Variants in SLC41A1 observed in about 807,000 individuals in gnomAD.
The protein encoded by SLC41A1 is solute carrier family 41 (magnesium transporter), member 1.
SLC41A1 carries 20 observed loss-of-function variants against 47.3 expected under a neutral mutation model. That is an observed-to-expected ratio of 0.42 (90% CI 0.30 to 0.61). The LOEUF is 0.61. SLC41A1 is among the 20% of genes least tolerant of loss of function. SLC41A1 has a pLI of 0.17. For missense variants in SLC41A1, 504 were observed against 674.1 expected, an observed-to-expected ratio of 0.75 and a Z score of 2.79; for synonymous variants, 282 against 272.7, an observed-to-expected ratio of 1.03 and a Z score of -0.34.
At chr1:205,812,414 C>G (rs933638448) in intron 1 of SLC41A1, among the ~76,000 whole-genome samples, 1 of 152,210 alleles carries the variant, frequency 6.6e-6, no homozygotes, top group African/African-American at 2.4e-5. Flanking sequence ...GAGGAAACCT[C>G]TGAGTCCAGT....
rs1250867705 is a variant in SLC41A1 at position 205,798,795 on chromosome 1, T to C, written c.718A>G (p.Ile240Val). 3.1e-6 allele frequency: 5 copies of C among 1,613,978 alleles called. No homozygotes were observed. The South Asian group carries it at 3.3e-5, about 11-fold the overall frequency. Residue 240 changes from isoleucine (I) to valine (V), a missense_variant, in exon 6 of 11, where the codon ATC becomes GTC. Physicochemically the swap from Ile to Val is conservative, Grantham distance 29. Transcript: ENST00000367137. ...ATCCCAATCTTGCGAGAGCCAATGA[T>C]GACTCCAATCATGATCATACCTGGT... ...LVLGMIMIGVIIGSRKIGINP... is the reference protein window; with the variant it reads ...LVLGMIMIGVVIGSRKIGINP...
Position 205,791,495 on chromosome 1 carries a change from A to G in SLC41A1, c.*38T>C, listed in dbSNP as rs775754111. The G allele has an allele frequency of 9.9e-6, 16 of 1,613,718 alleles. No homozygotes were observed. In the African/African-American group the frequency reaches 1.7e-4, roughly 17 times the overall value. On this transcript the variant is annotated 3_prime_UTR_variant, in exon 11 of 11. Transcript: ENST00000367137. This position sits in a 1 kb window ranked among gnomAD's most constrained non-coding sequence, Gnocchi z 4.0. ...GGAACAAAAGAAAAATTTCAAATAG[A>G]AAGTGCAGAGGGATGGGGAAAATGT... is the stretch of plus-strand genomic sequence containing the variant.
intron 7 of SLC41A1, 108 bp from the exon 8 acceptor site, chr1:205,797,111 C>CCA (rs1655768548): frequency 1.0e-6 from 1 of 971,736 alleles, no homozygotes; most frequent in Non-Finnish European, 1.6e-6. Context: ...AAGGGAAGCA[C>CCA]CATGGCTCTC....
chr1:205,801,294 G>A (rs1475723900), intron 2 of SLC41A1: 4 of 493,838 alleles, frequency 8.1e-6, no homozygotes, highest in African/African-American at 2.0e-5. Flanking sequence ...GTTTCTGCCG[G>A]TTGGGAGACT....
intron 1 of SLC41A1, 65 bp from the exon 2 acceptor site, chr1:205,811,152 G>C (rs1656145485): frequency 6.5e-6 from 1 of 153,110 alleles, no homozygotes; most frequent in African/African-American, 2.4e-5. Flanking sequence ...AGCTTGTACT[G>C]GGAGAATTTC....
chr1:205,806,214 C>T lies in SLC41A1; in HGVS notation c.372+3856G>A, dbSNP rs567634814. On this transcript the variant is annotated intron_variant, in intron 2 of 10. Transcript: ENST00000367137. ...TGGGTCCCTGACAGCAGGCAGGGGA[C>T]AGAGATGGGAAAAGCAGAAGGGGTG... 2.6e-5 allele frequency among the ~76,000 whole-genome samples: 4 copies of T among 152,254 alleles called. No homozygotes were observed. The East Asian group carries it at 7.7e-4, about 29-fold the overall frequency.
Position 205,810,193 on chromosome 1 carries a change from A to G in SLC41A1, c.249T>C (p.Arg83=). The part of the protein sequence containing the change: ...SNESDDVSTD[R]GPAPPSPLKE... The stretch of plus-strand genomic sequence containing the variant: ...TGAGCGGGGAAGGTGGCGCAGGGCC[A>G]CGGTCTGTGCTGACGTCGTCACTTT... Residue 83 remains arginine (R), a synonymous_variant, in exon 2 of 11, where the codon CGT becomes CGC. Transcript: ENST00000367137. This position sits in a 1 kb window ranked among gnomAD's most constrained non-coding sequence, Gnocchi z 5.5. 1 of 1,614,232 alleles carries G rather than the reference A, an allele frequency of 6.2e-7. No individual in the cohort carries two copies. Among genetic ancestry groups the G allele is most frequent in the Admixed American group, 1.7e-5 (1 of 60,032 alleles).
chr1:205,795,553 CTT>C, intron 8 of SLC41A1, 75 bp from the exon 9 acceptor site: 1 of 1,561,578 alleles, frequency 6.4e-7, no homozygotes, highest in Non-Finnish European at 8.8e-7. Flanking sequence ...TCTTCTCACT[CTT>C]TGTCTTCTAT....
At chr1:205,792,964 T>C (rs905227357) in intron 10 of SLC41A1, among the ~76,000 whole-genome samples, 1 of 151,846 alleles carries the variant, frequency 6.6e-6, no homozygotes, top group African/African-American at 2.4e-5. Context: ...AATTTTAGGC[T>C]CTGCCTGAGA....
rs370088787 is a variant in SLC41A1 at position 205,791,804 on chromosome 1, T to A, written c.1357-86A>T. The A allele has an allele frequency of 5.5e-5, 84 of 1,520,388 alleles. No individual in the cohort carries two copies. The African/African-American group carries it at 7.7e-4, about 14-fold the overall frequency. The allele number at this position is 1,520,388 out of a possible 1,614,324, so 94.2% of individuals were successfully genotyped here. On this transcript the variant is annotated intron_variant, in intron 10 of 10. Transcript: ENST00000367137. The surrounding 1 kb of genome is among the most constrained non-coding windows in gnomAD (Gnocchi z 4.0). ...CACATGATCAGACCCATTCAGTGCA[T>A]CACAGGGCTTGGCTGGCCATAATCC...
At chr1:205,795,126 G>T in intron 9 of SLC41A1, 108 bp from the exon 10 acceptor site, 1 of 1,483,514 alleles carries the variant, frequency 6.7e-7, no homozygotes. Context: ...GCAACAGACA[G>T]ATGAATGTCT....
At chr1:205,800,818 G>A (rs541648642) in intron 3 of SLC41A1, 135 bp downstream of exon 3, 1 of 811,954 alleles carries the variant, frequency 1.2e-6, no homozygotes, top group African/African-American at 1.7e-5. Context: ...TGCCCAGCCA[G>A]GCCCTCCCTT....
rs368063371 is a variant in SLC41A1 at position 205,810,382 on chromosome 1, G to C, written c.60C>G (p.Ala20=). 16 of 1,614,214 alleles carry C rather than the reference G, an allele frequency of 9.9e-6. No homozygotes were observed. Among genetic ancestry groups the C allele is most frequent in the Admixed American group, 1.7e-5 (1 of 60,028 alleles). The change falls in exon 2 of 11, where the codon GCC becomes GCG. Residue 20 remains alanine, a synonymous_variant. Coordinates refer to ENST00000367137, the MANE Select transcript of SLC41A1 (RefSeq NM_173854.6). The surrounding 1 kb of genome is among the most constrained non-coding windows in gnomAD (Gnocchi z 5.5). The part of the protein sequence containing the change: ...VHQLNGTGPS[A]SPCSSDGPGR... ...CTGGGCCATCTGAAGAGCAGGGAGA[G>C]GCAGAAGGGCCAGTCCCGTTCAGTT...
At chr1:205,798,847 G>A (rs748412352) in intron 5 of SLC41A1, 32 bp from the exon 6 acceptor site, 1 of 1,614,130 alleles carries the variant, frequency 6.2e-7, no homozygotes, top group Admixed American at 1.7e-5. Context: ...GGGCAGGCAG[G>A]GTGAGAAGAG....
rs35576575 is a variant in SLC41A1, at chr1:205,791,704, C to T, written c.1371G>A (p.Leu457=). ...AGTGCACCATCCAGTCTGCGATGTA[C>T]AGGAGAATCAGCACCTGGGGAGACA... ...TAALLQVLIL[L]YIADWMVHWM... The change falls in exon 11 of 11, where the codon CTG becomes CTA. Residue 457 remains leucine (L), a synonymous_variant. Coordinates refer to ENST00000367137, the MANE Select transcript of SLC41A1 (RefSeq NM_173854.6). This position sits in a 1 kb window ranked among gnomAD's most constrained non-coding sequence, Gnocchi z 4.0. 6.1e-4 allele frequency: 983 copies of T among 1,613,756 alleles called. 5 individuals carry two copies. In the African/African-American group the frequency reaches 0.011, roughly 18 times the overall value.
At position 205,810,640 on chromosome 1, in the gene SLC41A1, C is replaced by T. The variant is rs747003774; in HGVS notation, c.-199G>A. 99 of 748,602 alleles carry T rather than the reference C, an allele frequency of 1.3e-4. No homozygotes were observed. Among genetic ancestry groups the T allele is most frequent in the Non-Finnish European group, 2.1e-4 (97 of 469,728 alleles). The allele number at this position is 748,602 out of a possible 1,614,324, so 46.4% of individuals were successfully genotyped here. ...AGGCAGCCCCATCAAGCACTGAAGCCGCAAGCTGGGAAGAAACAAGAAATT... is the reference window on the plus strand; with the variant it reads ...AGGCAGCCCCATCAAGCACTGAAGCTGCAAGCTGGGAAGAAACAAGAAATT... On this transcript the variant is annotated 5_prime_UTR_variant, in exon 2 of 11. Coordinates refer to ENST00000367137, the MANE Select transcript of SLC41A1 (RefSeq NM_173854.6). This position sits in a 1 kb window ranked among gnomAD's most constrained non-coding sequence, Gnocchi z 5.5.
At position 205,813,104 on chromosome 1, in the gene SLC41A1, G is replaced by A. The variant is rs926329623; in HGVS notation, c.-943C>T. ...CGGGGGGGCACCCGGACGGGGGACC[G>A]GGGAGCCGAGCTCACGCGCCCCCAA... On this transcript the variant is annotated 5_prime_UTR_variant, in exon 1 of 11. Transcript: ENST00000367137. 4 of 985,388 alleles carry A rather than the reference G, an allele frequency of 4.1e-6. No homozygotes were observed. The highest frequency in any genetic ancestry group is 3.5e-5 in the African/African-American group (2 of 57,240). The allele number at this position is 985,388 out of a possible 1,614,324, so 61.0% of individuals were successfully genotyped here.
intron 2 of SLC41A1, among the ~76,000 whole-genome samples, chr1:205,809,474 C>A (rs997997325): frequency 2.0e-5 from 3 of 152,148 alleles, no homozygotes; most frequent in South Asian, 2.1e-4. Context: ...CTTGTTACAC[C>A]AAATCTCCAA....
intron 2 of SLC41A1, among the ~76,000 whole-genome samples, chr1:205,809,472 ACCAAATCT>A (rs1314757813): frequency 6.6e-6 from 1 of 152,198 alleles, no homozygotes; most frequent in African/African-American, 2.4e-5. Context: ...GTCTTGTTAC[ACCAAATCT>A]CCAAATCATG....
Sources: gnomAD v4.1 joint callset for allele counts (sites outside exome capture counted in the v4.1 genomes callset) on GRCh38, gnomAD v4.1.1 for gene constraint, Gnocchi (gnomAD v3.1) non-coding constraint, MANE v1.5 for transcripts, NCBI Gene and HGNC (gene_info 2026-07-23, HGNC 2026-07-21) for gene names.